Variants in CEP135 observed in about 807,000 individuals in gnomAD.
CEP135 encodes the protein centrosomal protein of 135 kDa.
In CEP135, 142 loss-of-function variants were observed where a neutral mutation model predicts 157.3. The ratio of observed to expected loss-of-function variants is 0.90; its 90% CI spans 0.79 to 1.04. The LOEUF (loss-of-function observed/expected upper bound fraction) is 1.04. Ranked by LOEUF, CEP135 falls within the 50% of genes least tolerant of loss-of-function variation. The pLI, the probability that CEP135 is intolerant of heterozygous loss-of-function variation, is 0.00. For synonymous variants in CEP135, 396 were observed against 439.8 expected (o/e 0.90, Z 1.25); for missense variants, 1,317 against 1,309.2 (o/e 1.01, Z -0.09).
intron 17 of CEP135, among the ~76,000 whole-genome samples, chr4:56,001,174 A>G (rs888644830): frequency 1.3e-5 from 2 of 152,138 alleles, no homozygotes; most frequent in African/African-American, 4.8e-5. Context: ...TCAGATGGAT[A>G]GTTTGCAGAT....
chr4:55,965,337 T>C (rs1577870935), intron 7 of CEP135: 1 of 207,566 alleles, frequency 4.8e-6, no homozygotes, highest in Non-Finnish European at 9.6e-6. Context: ...TAGAGGCTAC[T>C]ATATTGAACA....
At chr4:55,998,678 A>C (rs954850916) in intron 15 of CEP135, among the ~76,000 whole-genome samples, 2 of 152,226 alleles carry the variant, frequency 1.3e-5, no homozygotes, top group Non-Finnish European at 2.9e-5. Context: ...CAGCCTGGGC[A>C]ACATGGTAAA....
At chr4:56,022,954 G>C (rs1731017153) in intron 24 of CEP135, among the ~76,000 whole-genome samples, 1 of 151,938 alleles carries the variant, frequency 6.6e-6, no homozygotes. Flanking sequence ...AAAATTAGCT[G>C]GGCATGAAGG....
At chr4:56,002,676 C>T (rs1238627760) in intron 17 of CEP135, among the ~76,000 whole-genome samples, 1 of 152,096 alleles carries the variant, frequency 6.6e-6, no homozygotes, top group Non-Finnish European at 1.5e-5. Context: ...ATATTTGCAT[C>T]AATGATATTG....
At chr4:55,982,496 CT>C (rs1729445581) in intron 13 of CEP135, among the ~76,000 whole-genome samples, 1 of 152,118 alleles carries the variant, frequency 6.6e-6, no homozygotes, top group South Asian at 2.1e-4. Flanking sequence ...TCCATTGTGG[CT>C]TTGATTTGCA....
In CEP135 at chr4:56,003,729, T is replaced by C. The variant is rs554115092; in HGVS notation, c.2280+4084T>C. ...AAATCTTTTTTTGTTTTGTTTTTTT[T>C]TTTGTTTTTGAGACAGAGTCTCACT... On this transcript the variant is annotated intron_variant, in intron 17 of 25. Coordinates refer to ENST00000257287, the MANE Select transcript of CEP135 (RefSeq NM_025009.5). Among the ~76,000 whole-genome samples, 10 of 152,050 alleles carry C rather than the reference T, an allele frequency of 6.6e-5. No homozygotes were observed. In the South Asian group the frequency reaches 2.1e-3, roughly 32 times the overall value.
Position 55,964,295 on chromosome 4 carries a change from A to G in CEP135, c.721A>G (p.Ile241Val). 2 of 1,612,264 alleles carry G rather than the reference A, an allele frequency of 1.2e-6. No homozygotes were observed. Among genetic ancestry groups the G allele is most frequent in the South Asian group, 1.1e-5 (1 of 90,680 alleles). ...TCAGATTGAGCTAAGAGAACGAGAG[A>G]TAGAACGACTGTCAGTTGCTTTGGA... ...SKQIELRERE[I>V]ERLSVALDGG... Residue 241 changes from isoleucine to valine, a missense_variant, in exon 7 of 26, where the codon ATA (isoleucine) becomes GTA (valine). By Grantham distance (29) the Ile-to-Val change is conservative (BLOSUM62 3). Transcript: ENST00000257287.
Position 55,964,251 on chromosome 4 carries a change from T to C in CEP135, c.700-23T>C, listed in dbSNP as rs551531412. 21 of 1,577,810 alleles carry C rather than the reference T, an allele frequency of 1.3e-5. No individual in the cohort carries two copies. The South Asian group carries it at 1.6e-4, about 12-fold the overall frequency. ...TGGTTGAAAACCAGATTTTTTAAAATGACAGCATGACTATATCTTCAGATT... is the reference window on the plus strand; with the variant it reads ...TGGTTGAAAACCAGATTTTTTAAAACGACAGCATGACTATATCTTCAGATT... On this transcript the variant is annotated intron_variant, in intron 6 of 25. Coordinates refer to ENST00000257287, the MANE Select transcript of CEP135 (RefSeq NM_025009.5).
intron 10 of CEP135, 66 bp downstream of exon 10, chr4:55,971,474 A>C: frequency 7.0e-7 from 1 of 1,419,674 alleles, no homozygotes; most frequent in East Asian, 2.4e-5. Context: ...TGTTTTTCTT[A>C]GTAGATATTC....
At chr4:55,972,640 A>G (rs1055196259) in intron 10 of CEP135, among the ~76,000 whole-genome samples, 4 of 152,204 alleles carry the variant, frequency 2.6e-5, no homozygotes, top group African/African-American at 9.6e-5. Flanking sequence ...TCTGTGCCTC[A>G]GTTCCCTATC....
At chr4:55,983,026 A>G (rs1035184056) in intron 13 of CEP135, among the ~76,000 whole-genome samples, 1 of 152,228 alleles carries the variant, frequency 6.6e-6, no homozygotes, top group Non-Finnish European at 1.5e-5. Context: ...TTTAAACATT[A>G]TAAGCATAGT....
intron 5 of CEP135, among the ~76,000 whole-genome samples, chr4:55,957,665 G>T (rs1247933265): frequency 6.6e-6 from 1 of 152,136 alleles, no homozygotes; most frequent in Non-Finnish European, 1.5e-5. Context: ...CAAATAAGAG[G>T]TATCTTTTGC....
chr4:56,003,965 C>A (rs1373677444), intron 17 of CEP135, among the ~76,000 whole-genome samples: 1 of 152,172 alleles, frequency 6.6e-6, no homozygotes. Flanking sequence ...AAGCAGTCCT[C>A]TGGCTCAGCC....
At chr4:56,008,898 TTTTG>T (rs1387342315) in intron 18 of CEP135, among the ~76,000 whole-genome samples, 1 of 152,168 alleles carries the variant, frequency 6.6e-6, no homozygotes, top group South Asian at 2.1e-4. Context: ...ATGCTTTACT[TTTTG>T]TTTGTTTGTT....
intron 21 of CEP135, 54 bp downstream of exon 21, chr4:56,012,039 CA>C (rs1730605010): frequency 2.0e-6 from 2 of 1,020,304 alleles, no homozygotes; most frequent in East Asian, 6.2e-5. Flanking sequence ...AGAAAACATT[CA>C]AAGATACTTT....
intron 4 of CEP135, among the ~76,000 whole-genome samples, chr4:55,956,721 C>T (rs1293714744): frequency 6.6e-6 from 1 of 152,136 alleles, no homozygotes; most frequent in African/African-American, 2.4e-5. Flanking sequence ...AGAGATTCTC[C>T]TGCCTCAGCC....
At chr4:55,975,001 G>T in intron 11 of CEP135, 32 bp downstream of exon 11, 1 of 1,422,474 alleles carries the variant, frequency 7.0e-7, no homozygotes, top group East Asian at 2.3e-5. Context: ...AGGCCAGAAA[G>T]TATCTTTATG....
chr4:55,991,318 C>CTT (rs36216484), intron 14 of CEP135, among the ~76,000 whole-genome samples: 21 of 133,602 alleles, frequency 1.6e-4, no homozygotes, highest in African/African-American at 3.0e-4. Flanking sequence ...CTGTTTTTTT[C>CTT]TTTTTTTTTT....
At chr4:55,998,960 C>T (rs1321438739) in intron 15 of CEP135, among the ~76,000 whole-genome samples, 1 of 152,166 alleles carries the variant, frequency 6.6e-6, no homozygotes, top group African/African-American at 2.4e-5. Flanking sequence ...AGGATTTTTC[C>T]TTTGCCTCCA....
Sources: allele counts gnomAD v4.1 joint callset (sites outside exome capture counted in the v4.1 genomes callset), GRCh38; gene constraint gnomAD v4.1.1; transcripts MANE v1.5; gene names NCBI Gene and HGNC (gene_info 2026-07-23, HGNC 2026-07-21).